The following PTPRU variants were observed in gnomAD, a reference collection of about 807,000 sequenced individuals.
The protein encoded by PTPRU is protein tyrosine phosphatase receptor type U.
A neutral mutation model predicts 166.3 loss-of-function variants in PTPRU; 69 were observed. The observed-to-expected ratio is 0.41, with a 90% CI of 0.34 to 0.51. The LOEUF (loss-of-function observed/expected upper bound fraction) is 0.51, where lower values mean the gene tolerates loss of function less well. Ranked by LOEUF, PTPRU falls within the 20% of genes least tolerant of loss-of-function variation. PTPRU has a pLI of 0.09. For missense variants in PTPRU, 1,657 were observed against 2,013.7 expected, an observed-to-expected ratio of 0.82 and a Z score of 3.39; for synonymous variants, 793 against 814.0, an observed-to-expected ratio of 0.97 and a Z score of 0.44.
At chr1:29,323,165 A>G in intron 26 of PTPRU, 1 of 611,782 alleles carries the variant, frequency 1.6e-6, no homozygotes, top group Non-Finnish European at 2.8e-6. Context: ...GTGTCAGTGC[A>G]GAACGCATTG....
intron 15 of PTPRU, among the ~76,000 whole-genome samples, chr1:29,297,642 A>G (rs1051829363): frequency 6.6e-6 from 1 of 152,162 alleles, no homozygotes; most frequent in Non-Finnish European, 1.5e-5. Context: ...TGACTGCACT[A>G]AATCCTCCAG....
chr1:29,283,642 C>A, intron 12 of PTPRU: 1 of 448,448 alleles, frequency 2.2e-6, no homozygotes, highest in South Asian at 3.4e-5. Flanking sequence ...GACTTCCTAG[C>A]TGGACCTCTG....
rs563659499 is a variant in PTPRU, at chr1:29,280,754, G to A, written c.1868+613G>A. 8.2e-4 allele frequency among the ~76,000 whole-genome samples: 125 copies of A among 152,004 alleles called. No individual in the cohort carries two copies. The highest frequency in any genetic ancestry group is 1.4e-3 in the Non-Finnish European group (95 of 67,964). On this transcript the variant is annotated intron_variant, in intron 11 of 29. Transcript: ENST00000373779. The surrounding 1 kb of genome is among the most constrained non-coding windows in gnomAD (Gnocchi z 4.2). Reference sequence around the variant, plus strand: ...TGTGGTGTGAGTGTGTGTGAGAGGCGTATATGGGAGACATAAGTGTGCATG... The same window carrying A: ...TGTGGTGTGAGTGTGTGTGAGAGGCATATATGGGAGACATAAGTGTGCATG...
chr1:29,255,227 G>A, intron 1 of PTPRU, 48 bp from the exon 2 acceptor site: 1 of 1,589,118 alleles, frequency 6.3e-7, no homozygotes, highest in Non-Finnish European at 8.6e-7. Context: ...AGCCCTCCTG[G>A]CCAGCAGCCC....
chr1:29,259,676 C>T (rs72649289), intron 5 of PTPRU, 112 bp downstream of exon 5: 59,157 of 1,251,992 alleles, frequency 0.047, 1,568 homozygotes, highest in South Asian at 0.074. Context: ...TCCAGCACTG[C>T]GCACAGCGTC....
In PTPRU at chr1:29,248,421, T is replaced by G. The variant is rs187128264; in HGVS notation, c.74-6854T>G. On this transcript the variant is annotated intron_variant, in intron 1 of 29. Transcript: ENST00000373779. ...CTTGGATGATGAAATAGTCCAGTAT[T>G]GTTGTTGGGGTTGTATTTGAATTCC... 1.1e-4 allele frequency among the ~76,000 whole-genome samples: 17 copies of G among 152,208 alleles called. 1 individual carries two copies. The Middle Eastern group carries it at 0.017, about 152-fold the overall frequency.
intron 7 of PTPRU, among the ~76,000 whole-genome samples, chr1:29,270,590 G>C (rs903117833): frequency 3.3e-5 from 5 of 152,138 alleles, no homozygotes; most frequent in African/African-American, 9.7e-5. Flanking sequence ...ATGAGCTACT[G>C]CACCCAGCCA....
At position 29,279,513 on chromosome 1, in the gene PTPRU, C is replaced by A; in HGVS notation, c.1621C>A (p.Arg541Ser). The change falls in exon 10 of 30, where the codon CGT (arginine) becomes AGT (serine). Residue 541 changes from arginine (R) to serine (S), a missense_variant. Physicochemically the swap from Arg to Ser is moderately radical, Grantham distance 110 (BLOSUM62 -1). Coordinates refer to ENST00000373779, the MANE Select transcript of PTPRU (RefSeq NM_133178.4). The surrounding 1 kb of genome is among the most constrained non-coding windows in gnomAD (Gnocchi z 5.2). ...GGCAGTGAACGTGCCAGGCCCACGA[C>A]GTACCATCTCCAAGCTCCGCAATGA... The part of the protein sequence containing the change: ...DPAVNVPGPR[R>S]TISKLRNETY... 2 of 1,614,208 alleles carry A rather than the reference C, an allele frequency of 1.2e-6. No individual in the cohort carries two copies. Among genetic ancestry groups the A allele is most frequent in the Non-Finnish European group, 1.7e-6 (2 of 1,180,024 alleles).
intron 7 of PTPRU, among the ~76,000 whole-genome samples, chr1:29,274,887 C>G (rs957742975): frequency 1.3e-5 from 2 of 151,362 alleles, no homozygotes; most frequent in African/African-American, 4.9e-5. Context: ...CTATCTCTAC[C>G]AAAAATACAA....
At chr1:29,308,363 G>T (rs1350035202) in intron 18 of PTPRU, among the ~76,000 whole-genome samples, 1 of 150,394 alleles carries the variant, frequency 6.6e-6, no homozygotes, top group East Asian at 2.0e-4. Context: ...GAGTCCAGGA[G>T]TTCGAGATCA....
intron 12 of PTPRU, 116 bp from the exon 13 acceptor site, chr1:29,283,824 C>A: frequency 7.9e-7 from 1 of 1,259,222 alleles, no homozygotes; most frequent in Non-Finnish European, 1.1e-6. Context: ...TCCCTTGATG[C>A]CATCAGCACA....
chr1:29,259,966 G>A lies in PTPRU; in HGVS notation c.772G>A (p.Glu258Lys), dbSNP rs1281590782. The part of the protein sequence containing the change: ...TFPLAAVSRA[E>K]QDLYRCVSQA... Reference sequence around the variant, plus strand: ...CCCGCTGGCTGCCGTGAGCCGCGCCGAGCAGGACCTGTACCGCTGTGTGTC... The same window carrying A: ...CCCGCTGGCTGCCGTGAGCCGCGCCAAGCAGGACCTGTACCGCTGTGTGTC... The change falls in exon 6 of 30, where the codon GAG (glutamate) becomes AAG (lysine). Residue 258 changes from glutamate to lysine, a missense_variant. By Grantham distance (56) the Glu-to-Lys change is moderately conservative. This residue lies in a region of PTPRU where 453 missense variants were observed against 496.9 expected (regional missense o/e 0.91). Coordinates refer to ENST00000373779, the MANE Select transcript of PTPRU (RefSeq NM_133178.4). 6.5e-7 allele frequency: 1 copy of A among 1,549,994 alleles called. No homozygotes were observed. Among genetic ancestry groups the A allele is most frequent in the Non-Finnish European group, 8.7e-7 (1 of 1,155,162 alleles).
chr1:29,321,196 ATTT>A (rs71025210), intron 26 of PTPRU, among the ~76,000 whole-genome samples: 10 of 100,394 alleles, frequency 1.0e-4, no homozygotes, highest in South Asian at 3.3e-4. Flanking sequence ...CAGCTGTCTG[ATTT>A]TTTTTTTTTT....
chr1:29,314,759 G>C (rs1356469676), intron 22 of PTPRU, among the ~76,000 whole-genome samples: 1 of 151,768 alleles, frequency 6.6e-6, no homozygotes, highest in Non-Finnish European at 1.5e-5. Context: ...TGTATTTTTT[G>C]GTAGAGACAG....
Position 29,325,762 on chromosome 1 carries a change from C to A in PTPRU, c.*101C>A. The A allele has an allele frequency of 1.3e-5, 16 of 1,272,362 alleles. No individual in the cohort carries two copies. The highest frequency in any genetic ancestry group is 1.7e-5 in the Non-Finnish European group (16 of 923,818). 78.8% of individuals were successfully genotyped at this position (1,272,362 alleles called of 1,614,324 possible). A position where few individuals can be genotyped will look rare whatever the true frequency, so the allele number is the denominator to read the frequency against. ...GCCTCCTGCTCTGCCCAAACACACT[C>A]CCATGGGGCAAGCACTGGAGTGGAT... On this transcript the variant is annotated 3_prime_UTR_variant, in exon 30 of 30. Transcript: ENST00000373779.
At position 29,317,974 on chromosome 1, in the gene PTPRU, G is replaced by A. The variant is rs1687980351; in HGVS notation, c.3687+53G>A. On this transcript the variant is annotated intron_variant, in intron 25 of 29. Transcript: ENST00000373779. This position sits in a 1 kb window ranked among gnomAD's most constrained non-coding sequence, Gnocchi z 5.6. ...GGGGCTCCCCTTCCCAGCAGCATCA[G>A]GGAAGGTCCAGGGGCCACGGGAACA... 6.3e-7 allele frequency: 1 copy of A among 1,597,818 alleles called. No individual in the cohort carries two copies. Among genetic ancestry groups the A allele is most frequent in the African/African-American group, 1.3e-5 (1 of 74,554 alleles).
intron 1 of PTPRU, among the ~76,000 whole-genome samples, chr1:29,253,309 A>G (rs1468589829): frequency 6.6e-6 from 1 of 152,276 alleles, no homozygotes; most frequent in African/African-American, 2.4e-5. Flanking sequence ...GTGATTGCAC[A>G]TAAAACACCT....
In PTPRU at chr1:29,312,674, A is replaced by C. The variant is rs750432345; in HGVS notation, c.3195A>C (p.Pro1065=). The C allele has an allele frequency of 1.9e-6, 3 of 1,609,484 alleles. No individual in the cohort carries two copies. In the African/African-American group the frequency reaches 4.0e-5, roughly 22 times the overall value. The part of the protein sequence containing the change: ...AFIRRVKAST[P]PDAGPIVIHC... ...TCCGGCGCGTGAAGGCCTCCACCCC[A>C]CCTGATGCCGGGCCCATTGTCATCC... is the stretch of plus-strand genomic sequence containing the variant. Residue 1065 remains proline (P), a synonymous_variant, in exon 22 of 30, where the codon CCA becomes CCC. Coordinates refer to ENST00000373779, the MANE Select transcript of PTPRU (RefSeq NM_133178.4).
At chr1:29,287,601 T>G (rs572672696) in intron 14 of PTPRU, among the ~76,000 whole-genome samples, 1 of 151,396 alleles carries the variant, frequency 6.6e-6, no homozygotes, top group African/African-American at 2.4e-5. Flanking sequence ...ATGTTTTTTT[T>G]TTTTTTTTTT....
Sources: gnomAD v4.1 joint callset for allele counts (sites outside exome capture counted in the v4.1 genomes callset) on GRCh38, gnomAD v4.1.1 for gene constraint, gnomAD v4.1.1 regional missense constraint, Gnocchi (gnomAD v3.1) non-coding constraint, MANE v1.5 for transcripts, NCBI Gene and HGNC (gene_info 2026-07-23, HGNC 2026-07-21) for gene names.